Variants in OSBPL8 observed in about 807,000 individuals in gnomAD.
OSBPL8 encodes oxysterol-binding protein-related protein 8.
A neutral mutation model predicts 125.5 loss-of-function variants in OSBPL8; 59 were observed. The ratio of observed to expected loss-of-function variants is 0.47; its 90% confidence interval spans 0.38 to 0.58. OSBPL8 has a LOEUF of 0.58. Among genes scored for constraint, OSBPL8 ranks in the 20% least tolerant of loss-of-function variants. The pLI is 0.00. For synonymous variants in OSBPL8, 330 were observed against 338.9 expected (o/e 0.97, Z 0.29); for missense variants, 758 against 1,047.8 (o/e 0.72, Z 3.82).
intron 1 of OSBPL8, among the ~76,000 whole-genome samples, chr12:76,502,105 T>C (rs1400667701): frequency 2.0e-5 from 3 of 152,174 alleles, no homozygotes. Flanking sequence ...GAAAACTCAA[T>C]TGTAGCATCA....
intron 1 of OSBPL8, among the ~76,000 whole-genome samples, chr12:76,511,508 G>A (rs981497689): frequency 4.6e-5 from 7 of 151,974 alleles, no homozygotes; most frequent in Non-Finnish European, 1.5e-5. Context: ...ATATGCTTGT[G>A]GGCCACAGGT....
chr12:76,400,088 T>C (rs896727231), intron 6 of OSBPL8, 114 bp from the exon 7 acceptor site: 1 of 727,484 alleles, frequency 1.4e-6, no homozygotes, highest in Admixed American at 3.0e-5. Context: ...GTCATGGGGT[T>C]TTGTTGTACA....
At chr12:76,510,795 C>T (rs892482751) in intron 1 of OSBPL8, among the ~76,000 whole-genome samples, 1 of 151,606 alleles carries the variant, frequency 6.6e-6, no homozygotes, top group Non-Finnish European at 1.5e-5. Flanking sequence ...GCAGGAGAAT[C>T]GCTTGACCCC....
intron 1 of OSBPL8, among the ~76,000 whole-genome samples, chr12:76,546,095 T>A (rs971834871): frequency 2.6e-5 from 4 of 152,164 alleles, no homozygotes; most frequent in Non-Finnish European, 5.9e-5. Context: ...GCTACGGGAC[T>A]TCTATGCACG....
intron 12 of OSBPL8, among the ~76,000 whole-genome samples, chr12:76,389,120 C>T (rs958942835): frequency 6.6e-6 from 1 of 152,108 alleles, no homozygotes; most frequent in Non-Finnish European, 1.5e-5. Context: ...TTTAGGTGTG[C>T]CTTCTTCAAA....
intron 4 of OSBPL8, among the ~76,000 whole-genome samples, chr12:76,419,204 C>A (rs1869144019): frequency 1.3e-5 from 2 of 152,024 alleles, no homozygotes; most frequent in Non-Finnish European, 2.9e-5. Flanking sequence ...CCACTGCACT[C>A]CAGCCTGGGA....
intron 2 of OSBPL8, among the ~76,000 whole-genome samples, chr12:76,478,200 TA>T (rs562496218): frequency 8.8e-5 from 13 of 147,764 alleles, no homozygotes; most frequent in Non-Finnish European, 7.5e-5. Context: ...AGACTCCATC[TA>T]AAAAAAAAAG....
At chr12:76,530,605 T>A (rs1950309530) in intron 1 of OSBPL8, among the ~76,000 whole-genome samples, 1 of 152,126 alleles carries the variant, frequency 6.6e-6, no homozygotes, top group Non-Finnish European at 1.5e-5. Context: ...TCCCCACATG[T>A]AAGTATAGTA....
At chr12:76,469,876 G>A (rs1875922935) in intron 2 of OSBPL8, among the ~76,000 whole-genome samples, 2 of 151,450 alleles carry the variant, frequency 1.3e-5, no homozygotes, top group Admixed American at 1.3e-4. Flanking sequence ...TGGACACTCA[G>A]CAAATACTGA....
intron 1 of OSBPL8, among the ~76,000 whole-genome samples, chr12:76,531,732 C>T (rs573736080): frequency 6.6e-5 from 10 of 152,010 alleles, no homozygotes; most frequent in East Asian, 1.9e-4. Flanking sequence ...TTAAGTACTG[C>T]GCACTAAAAA....
At chr12:76,364,116 G>A (rs573587433) in intron 21 of OSBPL8, among the ~76,000 whole-genome samples, 4 of 152,244 alleles carry the variant, frequency 2.6e-5, no homozygotes, top group African/African-American at 4.8e-5. Flanking sequence ...ATCTAGAACT[G>A]GAAATAACAT....
At chr12:76,474,765 G>A (rs1471654825) in intron 2 of OSBPL8, among the ~76,000 whole-genome samples, 1 of 152,176 alleles carries the variant, frequency 6.6e-6, no homozygotes, top group Non-Finnish European at 1.5e-5. Flanking sequence ...TTACAGGCGT[G>A]AGCCACTGCA....
At chr12:76,460,118 T>G (rs1447326058) in intron 2 of OSBPL8, among the ~76,000 whole-genome samples, 1 of 152,236 alleles carries the variant, frequency 6.6e-6, no homozygotes. Flanking sequence ...TATCAAATAT[T>G]TGTTTTATCT....
chr12:76,495,623 C>CA (rs1353964747), intron 1 of OSBPL8, among the ~76,000 whole-genome samples: 1 of 150,802 alleles, frequency 6.6e-6, no homozygotes, highest in Admixed American at 6.6e-5. Flanking sequence ...AAAAATCATT[C>CA]ATAAAAGGCA....
At chr12:76,459,773 T>C (rs1422613054) in intron 3 of OSBPL8, 86 bp downstream of exon 3, 4 of 1,470,366 alleles carry the variant, frequency 2.7e-6, no homozygotes, top group Non-Finnish European at 3.8e-6. Context: ...TAATTCAAAA[T>C]TGAAACACCA....
intron 1 of OSBPL8, among the ~76,000 whole-genome samples, chr12:76,549,108 A>T (rs928515949): frequency 1.2e-4 from 18 of 152,158 alleles, no homozygotes; most frequent in Non-Finnish European, 2.4e-4. Context: ...AGGGGAAAAA[A>T]AACCCACAAA....
In OSBPL8 at chr12:76,402,780, GA is replaced by G; in HGVS notation, c.289-15del. 1 of 1,504,444 alleles carries G rather than the reference GA, an allele frequency of 6.6e-7. No individual in the cohort carries two copies. The highest frequency in any genetic ancestry group is 9.2e-7 in the Non-Finnish European group (1 of 1,091,102). 93.2% of individuals were successfully genotyped at this position (1,504,444 alleles called of 1,614,324 possible). On this transcript the variant is annotated splice_polypyrimidine_tract_variant and intron_variant, in intron 5 of 23. Transcript: ENST00000261183. The stretch of plus-strand genomic sequence containing the variant: ...TTTAGATTCAGACTGAAATCATACA[GA>G]AACAAGAGAAATTAAATCCTTCAGA...
At chr12:76,464,835 G>C (rs945813019) in intron 2 of OSBPL8, among the ~76,000 whole-genome samples, 1 of 152,172 alleles carries the variant, frequency 6.6e-6, no homozygotes, top group Non-Finnish European at 1.5e-5. Flanking sequence ...CAATAAAGTT[G>C]ATCAAGTTGC....
At chr12:76,535,491 C>T (rs1403004221) in intron 1 of OSBPL8, among the ~76,000 whole-genome samples, 16 of 152,104 alleles carry the variant, frequency 1.1e-4, no homozygotes, top group Non-Finnish European at 1.9e-4. Context: ...AACTGGAACT[C>T]TCATACATTG....
Sources: gnomAD v4.1 joint callset for allele counts (sites outside exome capture counted in the v4.1 genomes callset) on GRCh38, gnomAD v4.1.1 for gene constraint, MANE v1.5 for transcripts, NCBI Gene and HGNC (gene_info 2026-07-23, HGNC 2026-07-21) for gene names.